TSHZ2: variants seen among roughly 807,000 people sequenced by gnomAD.
The protein encoded by TSHZ2 is teashirt zinc finger homeobox 2, also known as teashirt homolog 2.
TSHZ2 carries 21 observed loss-of-function variants against 74.4 expected under a neutral mutation model. The ratio of observed to expected loss-of-function variants is 0.28; its 90% CI spans 0.20 to 0.41. The LOEUF (loss-of-function observed/expected upper bound fraction) is 0.41. Ranked by LOEUF, TSHZ2 falls within the 10% of genes least tolerant of loss-of-function variation. The pLI is 1.00. For synonymous variants in TSHZ2, 540 were observed against 515.3 expected (o/e 1.05, Z -0.65); for missense variants, 1,244 against 1,293.5 (o/e 0.96, Z 0.59).
chr20:53,454,057 A>G (rs56155052), intron 2 of TSHZ2, among the ~76,000 whole-genome samples: 35,511 of 152,098 alleles, frequency 0.23, 5,260 homozygotes, highest in African/African-American at 0.42. Context: ...TCTGCTTACA[A>G]TGTCATCTCT....
intron 2 of TSHZ2, among the ~76,000 whole-genome samples, chr20:53,260,379 C>T (rs1568841152): frequency 6.6e-6 from 1 of 152,216 alleles, no homozygotes; most frequent in Non-Finnish European, 1.5e-5. Flanking sequence ...GAGCCTCACT[C>T]ATTCATTATG....
chr20:53,156,724 A>C (rs1987803454), intron 1 of TSHZ2, among the ~76,000 whole-genome samples: 1 of 152,236 alleles, frequency 6.6e-6, no homozygotes, highest in Non-Finnish European at 1.5e-5. Context: ...AGGATGAAAG[A>C]CCAAATGTCG....
At chr20:53,290,193 A>G (rs1214222542) in intron 2 of TSHZ2, among the ~76,000 whole-genome samples, 1 of 152,004 alleles carries the variant, frequency 6.6e-6, no homozygotes, top group Non-Finnish European at 1.5e-5. Flanking sequence ...TCTTCAGGTT[A>G]CCACAATCCC....
intron 1 of TSHZ2, among the ~76,000 whole-genome samples, chr20:53,031,116 G>A (rs1231472984): frequency 6.6e-6 from 1 of 152,092 alleles, no homozygotes; most frequent in Admixed American, 6.6e-5. Context: ...CCCAGAAGTA[G>A]AATTGCCAAA....
At chr20:52,985,938 T>C (rs994409492) in intron 1 of TSHZ2, among the ~76,000 whole-genome samples, 2 of 152,238 alleles carry the variant, frequency 1.3e-5, no homozygotes, top group Admixed American at 1.3e-4. Context: ...TTGAGTCATG[T>C]AGTGAAAGTA....
chr20:53,169,768 A>G (rs1313137104), intron 1 of TSHZ2, among the ~76,000 whole-genome samples: 2 of 152,232 alleles, frequency 1.3e-5, no homozygotes, highest in Admixed American at 1.3e-4. Flanking sequence ...GTCTATTTTT[A>G]TAGAAATTTG....
chr20:53,305,985 A>C (rs1020202375), intron 2 of TSHZ2, among the ~76,000 whole-genome samples: 4 of 151,776 alleles, frequency 2.6e-5, no homozygotes, highest in African/African-American at 9.7e-5. Context: ...GAAAAAAAAA[A>C]AAAAAATACG....
chr20:53,183,392 A>G (rs982189799), intron 1 of TSHZ2, among the ~76,000 whole-genome samples: 12 of 152,206 alleles, frequency 7.9e-5, no homozygotes, highest in African/African-American at 2.4e-4. Context: ...GTCAGTATTC[A>G]TATTAGCCTG....
At chr20:53,446,550 G>A (rs923842922) in intron 2 of TSHZ2, among the ~76,000 whole-genome samples, 1 of 142,406 alleles carries the variant, frequency 7.0e-6, no homozygotes, top group African/African-American at 2.7e-5. Flanking sequence ...CTGCACTCCA[G>A]TCTGGGTGAC....
At chr20:53,221,316 G>A (rs1466902537) in intron 1 of TSHZ2, among the ~76,000 whole-genome samples, 4 of 152,174 alleles carry the variant, frequency 2.6e-5, no homozygotes, top group Admixed American at 2.6e-4. Context: ...ATGAGAATGA[G>A]CTAATACAAT....
rs1223369755 is a variant in TSHZ2, at chr20:53,490,544, G to A, written c.*3409G>A. On this transcript the variant is annotated 3_prime_UTR_variant, in exon 3 of 3. Transcript: ENST00000371497. Reference sequence around the variant, plus strand: ...AGGAAACAGCTTAAAAATAGGTCAAGACCTAAAAACAGAATATAATCACGG... The same window carrying A: ...AGGAAACAGCTTAAAAATAGGTCAAAACCTAAAAACAGAATATAATCACGG... 6.6e-6 allele frequency: 1 copy of A among 152,146 alleles called. No homozygotes were observed. The highest frequency in any genetic ancestry group is 1.5e-5 in the Non-Finnish European group (1 of 68,018). The allele number at this position is 152,146 out of a possible 1,614,324, so 9.4% of individuals were successfully genotyped here. A position where few individuals can be genotyped will look rare whatever the true frequency, so the allele number is the denominator to read the frequency against.
At chr20:53,444,750 C>T (rs1209723753) in intron 2 of TSHZ2, among the ~76,000 whole-genome samples, 1 of 152,166 alleles carries the variant, frequency 6.6e-6, no homozygotes, top group Non-Finnish European at 1.5e-5. Flanking sequence ...AATCACAAAC[C>T]TCCCAGGGTG....
intron 1 of TSHZ2, among the ~76,000 whole-genome samples, chr20:52,989,331 T>C (rs1981889895): frequency 1.3e-5 from 2 of 152,212 alleles, no homozygotes; most frequent in South Asian, 2.1e-4. Flanking sequence ...GTTAATCTAA[T>C]AAGAAATGGA....
In TSHZ2 at chr20:53,030,022, G is replaced by A. The variant is rs376343710; in HGVS notation, c.40+56689G>A. On this transcript the variant is annotated intron_variant, in intron 1 of 2. Transcript: ENST00000371497. ...CAACTCTTGTTTTAACATCTGTGAC[G>A]CACCTACTATATGCCAGTTCCTTAT... Among the ~76,000 whole-genome samples the A allele has an allele frequency of 3.5e-4, 54 of 152,140 alleles. No homozygotes were observed. In the South Asian group the frequency reaches 8.7e-3, roughly 25 times the overall value.
chr20:53,463,492 AAG>A (rs3042224), intron 2 of TSHZ2, among the ~76,000 whole-genome samples: 3 of 147,296 alleles, frequency 2.0e-5, no homozygotes, highest in African/African-American at 5.0e-5. Context: ...AGAGGAAAGA[AAG>A]AGAGAAGGAA....
chr20:53,151,498 A>G (rs1460268603), intron 1 of TSHZ2, among the ~76,000 whole-genome samples: 2 of 152,236 alleles, frequency 1.3e-5, no homozygotes, highest in Non-Finnish European at 2.9e-5. Context: ...TATGGTACAT[A>G]TACCATGTAG....
rs1179482026 is a variant in TSHZ2, at chr20:53,253,754, G to C, written c.296G>C (p.Cys99Ser). The change falls in exon 2 of 3, where the codon TGC becomes TCC. Residue 99 changes from cysteine to serine, a missense_variant. This residue lies in a region of TSHZ2 where 470 missense variants were observed against 456.5 expected (regional missense o/e 1.03). Coordinates refer to ENST00000371497, the MANE Select transcript of TSHZ2 (RefSeq NM_173485.6). ...CAGGTGTCGGACATCAAGAGTGTCT[G>C]CGGCAGAGATGCCTCAGACAAGAAA... is the stretch of plus-strand genomic sequence containing the variant. Reference protein sequence around the residue: ...SDQVSDIKSVCGRDASDKKAH... With the variant: ...SDQVSDIKSVSGRDASDKKAH... The C allele has an allele frequency of 6.2e-7, 1 of 1,614,082 alleles. No homozygotes were observed. Among genetic ancestry groups the C allele is most frequent in the Non-Finnish European group, 8.5e-7 (1 of 1,180,050 alleles).
At chr20:53,289,171 T>G (rs910249705) in intron 2 of TSHZ2, among the ~76,000 whole-genome samples, 2 of 142,816 alleles carry the variant, frequency 1.4e-5, no homozygotes, top group Admixed American at 7.0e-5. Context: ...CTGAGTAGTA[T>G]TCAGTGGTGT....
intron 1 of TSHZ2, among the ~76,000 whole-genome samples, chr20:53,038,900 G>GTTTTTTTT (rs748995371): frequency 5.6e-5 from 8 of 143,630 alleles, no homozygotes; most frequent in African/African-American, 2.2e-4. Context: ...TTGTTTGTTT[G>GTTTTTTTT]TTTGTTTGTT....
Sources: gnomAD v4.1 joint callset for allele counts (sites outside exome capture counted in the v4.1 genomes callset) on GRCh38, gnomAD v4.1.1 for gene constraint, gnomAD v4.1.1 regional missense constraint, MANE v1.5 for transcripts, NCBI Gene and HGNC (gene_info 2026-07-23, HGNC 2026-07-21) for gene names.